CDH23: variants seen among roughly 807,000 people sequenced by gnomAD.
CDH23 encodes the protein cadherin related 23, also known as cadherin-23.
CDH23 carries 189 observed loss-of-function variants against 317.1 expected under a neutral mutation model. The observed-to-expected ratio is 0.60, with a 90% CI of 0.53 to 0.67. The LOEUF is 0.67. Among genes scored for constraint, CDH23 ranks in the 30% least tolerant of loss-of-function variants. The pLI, the probability that CDH23 is intolerant of heterozygous loss-of-function variation, is 0.00. For synonymous variants in CDH23, 1,839 were observed against 1,876.8 expected (o/e 0.98, Z 0.52); for missense variants, 4,401 against 4,592.4 (o/e 0.96, Z 1.20).
Position 71,667,392 on chromosome 10 carries a change from G to GTGTGTA in CDH23, c.1450-7716_1450-7715insTATGTG, listed in dbSNP as rs756166579. On this transcript the variant is annotated intron_variant, in intron 14 of 69. Transcript: ENST00000224721. The stretch of plus-strand genomic sequence containing the variant: ...TGTGTGTGTGTGTGTGTGTGTGTGT[G>GTGTGTA]TGTGCGCGTGTGTGTGTGAGGGGTG... Among the ~76,000 whole-genome samples, 489 of 101,960 alleles carry GTGTGTA rather than the reference G, an allele frequency of 4.8e-3. 7 individuals carry two copies. Among genetic ancestry groups the GTGTGTA allele is most frequent in the South Asian group, 0.029 (87 of 3,016 alleles). 66.9% of individuals were successfully genotyped at this position (101,960 alleles called of 152,430 possible).
chr10:71,705,206 G>A, intron 25 of CDH23, 76 bp downstream of exon 25: 5 of 1,365,178 alleles, frequency 3.7e-6, no homozygotes, highest in Non-Finnish European at 5.0e-6. Context: ...GGGTAGAGGG[G>A]AGCCCATGTC....
At chr10:71,662,474 C>T (rs1430873910) in intron 14 of CDH23, among the ~76,000 whole-genome samples, 1 of 152,130 alleles carries the variant, frequency 6.6e-6, no homozygotes, top group Non-Finnish European at 1.5e-5. Context: ...GGGTGTCAGA[C>T]TTATGACTTG....
chr10:71,515,913 G>A (rs1284697239), intron 6 of CDH23, among the ~76,000 whole-genome samples: 3 of 152,214 alleles, frequency 2.0e-5, no homozygotes, highest in African/African-American at 7.2e-5. Flanking sequence ...AGCTTTGTAT[G>A]TGCACAGTGT....
intron 31 of CDH23, among the ~76,000 whole-genome samples, chr10:71,731,427 ACG>A (rs1245147958): frequency 1.3e-5 from 2 of 152,192 alleles, no homozygotes; most frequent in Non-Finnish European, 2.9e-5. Context: ...TAGGGCACAT[ACG>A]CGGCTGTGGC....
chr10:71,562,145 C>T (rs957289804), intron 6 of CDH23, among the ~76,000 whole-genome samples: 2 of 151,964 alleles, frequency 1.3e-5, no homozygotes, highest in Admixed American at 6.5e-5. Flanking sequence ...CCAGACGCCC[C>T]GAACCCCACC....
intron 27 of CDH23, among the ~76,000 whole-genome samples, chr10:71,709,889 A>G (rs1865912297): frequency 6.6e-6 from 1 of 152,174 alleles, no homozygotes; most frequent in Non-Finnish European, 1.5e-5. Flanking sequence ...ACTCACAATC[A>G]TGGCAGAAGG....
At chr10:71,777,659 G>A (rs374924576) in intron 38 of CDH23, 21 bp from the exon 39 acceptor site, 20 of 1,594,292 alleles carry the variant, frequency 1.3e-5, no homozygotes, top group Middle Eastern at 1.9e-4. Flanking sequence ...GACCAAGGAC[G>A]TGACCCACTC....
intron 6 of CDH23, among the ~76,000 whole-genome samples, chr10:71,545,486 C>G (rs1856223410): frequency 6.6e-6 from 1 of 152,236 alleles, no homozygotes; most frequent in Non-Finnish European, 1.5e-5. Flanking sequence ...ATGCTTACCC[C>G]CAAAGAGTCT....
chr10:71,574,700 G>A (rs909419193), intron 8 of CDH23, among the ~76,000 whole-genome samples: 6 of 152,132 alleles, frequency 3.9e-5, no homozygotes, highest in Admixed American at 6.5e-5. Flanking sequence ...CTGTGTCCAC[G>A]GCTTTCCTGA....
At chr10:71,716,240 G>C in intron 28 of CDH23, 1 of 1,550,190 alleles carries the variant, frequency 6.5e-7, no homozygotes, top group South Asian at 1.2e-5. Flanking sequence ...GAGGGGGTCA[G>C]TTGCCTCTGC....
intron 15 of CDH23, among the ~76,000 whole-genome samples, chr10:71,676,653 A>G (rs963173501): frequency 2.0e-5 from 3 of 152,184 alleles, no homozygotes; most frequent in Admixed American, 2.0e-4. Context: ...GGAGATTGTT[A>G]GGGGCATCTG....
At position 71,480,921 on chromosome 10, in the gene CDH23, A is replaced by G. The variant is rs894243043; in HGVS notation, c.146-29161A>G. Among the ~76,000 whole-genome samples, 6 of 152,290 alleles carry G rather than the reference A, an allele frequency of 3.9e-5. 2 individuals carry two copies. The highest frequency in any genetic ancestry group is 3.9e-4 in the Admixed American group (6 of 15,300). ...CAGTGTCTGGTTTTTGGAGCTGGAC[A>G]GGTAGTGATGTCTTCCACGGACCCC... On this transcript the variant is annotated intron_variant, in intron 3 of 69. Coordinates refer to ENST00000224721, the MANE Select transcript of CDH23 (RefSeq NM_022124.6).
chr10:71,398,984 T>G (rs990524212), intron 1 of CDH23, among the ~76,000 whole-genome samples: 1 of 152,172 alleles, frequency 6.6e-6, no homozygotes, highest in African/African-American at 2.4e-5. Flanking sequence ...ACAGCTGGGC[T>G]CCTCACGTCT....
At chr10:71,745,760 G>A (rs1839840682) in intron 38 of CDH23, among the ~76,000 whole-genome samples, 1 of 152,226 alleles carries the variant, frequency 6.6e-6, no homozygotes, top group Non-Finnish European at 1.5e-5. Flanking sequence ...GTATGAGGAA[G>A]GAGCATTGTC....
intron 11 of CDH23, among the ~76,000 whole-genome samples, chr10:71,618,217 C>A (rs1384333633): frequency 2.0e-5 from 3 of 152,092 alleles, no homozygotes; most frequent in Non-Finnish European, 4.4e-5. Context: ...CATAAGAAGA[C>A]CCCTGCATCA....
chr10:71,503,315 G>A (rs1434001620), intron 3 of CDH23, among the ~76,000 whole-genome samples: 1 of 152,232 alleles, frequency 6.6e-6, no homozygotes, highest in Non-Finnish European at 1.5e-5. Context: ...TTCCTGCCTG[G>A]GCCCAAAGAC....
intron 1 of CDH23, among the ~76,000 whole-genome samples, chr10:71,418,093 A>G (rs533342330): frequency 3.3e-5 from 5 of 152,034 alleles, no homozygotes; most frequent in Middle Eastern, 3.4e-3. Flanking sequence ...TCTTTTTTCA[A>G]CTATTGTCTT....
chr10:71,524,029 C>T (rs1489399935), intron 6 of CDH23, among the ~76,000 whole-genome samples: 1 of 152,228 alleles, frequency 6.6e-6, no homozygotes, highest in East Asian at 1.9e-4. Flanking sequence ...CCCCTGGGAT[C>T]TTCCATTCCT....
Position 71,617,271 on chromosome 10 carries a change from G to T in CDH23, c.1012G>T (p.Val338Phe). 6.2e-7 allele frequency: 1 copy of T among 1,613,964 alleles called. No individual in the cohort carries two copies. The highest frequency in any genetic ancestry group is 8.5e-7 in the Non-Finnish European group (1 of 1,179,890). ...AGTCACCACGACCTTCAATATCCTGGTTATTGACATCAATGACAATGCCCC... is the reference window on the plus strand; with the variant it reads ...AGTCACCACGACCTTCAATATCCTGTTTATTGACATCAATGACAATGCCCC... ...ATVTTTFNILVIDINDNAPEF... is the reference protein window; with the variant it reads ...ATVTTTFNILFIDINDNAPEF... The change falls in exon 11 of 70, where the codon GTT becomes TTT. Residue 338 changes from valine to phenylalanine, a missense_variant. Val to Phe is a conservative substitution (Grantham distance 50). Around this residue, in one of 3 missense-constraint regions of CDH23, gnomAD observed 3,068 missense variants for 3,203.3 expected, o/e 0.96. Transcript: ENST00000224721.
Sources: gnomAD v4.1 joint callset for allele counts (sites outside exome capture counted in the v4.1 genomes callset) on GRCh38, gnomAD v4.1.1 for gene constraint, gnomAD v4.1.1 regional missense constraint, MANE v1.5 for transcripts, NCBI Gene and HGNC (gene_info 2026-07-23, HGNC 2026-07-21) for gene names.